Variants in ERG observed in about 807,000 individuals in gnomAD.
ERG encodes ETS transcription factor ERG.
ERG carries 9 observed loss-of-function variants against 55.3 expected under a neutral mutation model. The observed-to-expected ratio is 0.16, with a 90% CI of 0.10 to 0.28. The LOEUF is 0.28. Among genes scored for constraint, ERG ranks in the 10% least tolerant of loss-of-function variants. The pLI is 1.00. For synonymous variants in ERG, 223 were observed against 237.3 expected, an observed-to-expected ratio of 0.94 and a Z score of 0.55; for missense variants, 434 against 631.6, an observed-to-expected ratio of 0.69 and a Z score of 3.35.
chr21:38,450,352 G>A (rs994402772), intron 1 of ERG, among the ~76,000 whole-genome samples: 3 of 151,942 alleles, frequency 2.0e-5, no homozygotes, highest in South Asian at 4.2e-4. Flanking sequence ...CACTCCAGCC[G>A]AGGTGACAGA....
intron 2 of ERG, among the ~76,000 whole-genome samples, chr21:38,537,824 G>T (rs2059722920): frequency 6.6e-6 from 1 of 152,118 alleles, no homozygotes; most frequent in Non-Finnish European, 1.5e-5. Context: ...AAGATAGCAG[G>T]AAATTGAACT....
chr21:38,599,698 C>T (rs187537408), intron 1 of ERG, among the ~76,000 whole-genome samples: 5 of 152,160 alleles, frequency 3.3e-5, no homozygotes, highest in African/African-American at 1.2e-4. Flanking sequence ...TTTAAAAATT[C>T]AACTTCCCTG....
At chr21:38,450,802 A>G in intron 1 of ERG, 1 of 425,164 alleles carries the variant, frequency 2.4e-6, no homozygotes, top group East Asian at 7.1e-5. Context: ...TTCTTCTCTG[A>G]TGGCAGATAA....
chr21:38,447,297 T>A (rs1335374070), intron 1 of ERG, among the ~76,000 whole-genome samples: 2 of 151,466 alleles, frequency 1.3e-5, no homozygotes, highest in Non-Finnish European at 2.9e-5. Flanking sequence ...AAAGCCCCCA[T>A]CCTGGACTCC....
chr21:38,565,704 G>A (rs564781915), intron 2 of ERG, among the ~76,000 whole-genome samples: 15 of 152,182 alleles, frequency 9.9e-5, no homozygotes, highest in African/African-American at 2.4e-4. Flanking sequence ...CTAACCTTTC[G>A]TGTAAAATTC....
chr21:38,385,638 A>T (rs376996499), intron 9 of ERG, among the ~76,000 whole-genome samples: 4 of 152,342 alleles, frequency 2.6e-5, no homozygotes, highest in East Asian at 1.9e-4. Context: ...CTAGCAACAC[A>T]TTTGAAATGT....
rs554111006 is a variant in ERG, at chr21:38,578,166, C to G, written c.-126-2419G>C. ...AGATGACCACGGCCCCTGCCGACATCAGGGAGGCAGCTTCCAGCTGAGTCC... is the reference window on the plus strand; with the variant it reads ...AGATGACCACGGCCCCTGCCGACATGAGGGAGGCAGCTTCCAGCTGAGTCC... On this transcript the variant is annotated intron_variant, in intron 1 of 8. Coordinates refer to the ERG transcript ENST00000398897. 2.6e-5 allele frequency among the ~76,000 whole-genome samples: 4 copies of G among 152,344 alleles called. No individual in the cohort carries two copies. In the South Asian group the frequency reaches 8.3e-4, roughly 32 times the overall value.
intron 8 of ERG, among the ~76,000 whole-genome samples, chr21:38,391,316 A>G (rs1404253156): frequency 6.6e-6 from 1 of 152,180 alleles, no homozygotes; most frequent in Non-Finnish European, 1.5e-5. Flanking sequence ...CAATGATATA[A>G]AGAGGGCAAA....
At chr21:38,449,257 T>G (rs1300318949) in intron 1 of ERG, among the ~76,000 whole-genome samples, 2 of 152,158 alleles carry the variant, frequency 1.3e-5, no homozygotes, top group Non-Finnish European at 2.9e-5. Context: ...ATGTGTGGGG[T>G]GTTTTTTTCT....
intron 1 of ERG, among the ~76,000 whole-genome samples, chr21:38,645,976 T>C (rs544820146): frequency 6.6e-6 from 1 of 152,240 alleles, no homozygotes; most frequent in East Asian, 1.9e-4. Context: ...GATGCAACCA[T>C]TCTCTTAGAA....
chr21:38,574,230 C>T (rs1196869476), intron 2 of ERG, among the ~76,000 whole-genome samples: 1 of 152,178 alleles, frequency 6.6e-6, no homozygotes, highest in Non-Finnish European at 1.5e-5. Context: ...AGTCTTTCTC[C>T]CACTTTACTT....
chr21:38,488,643 A>G (rs1175047838), intron 1 of ERG, among the ~76,000 whole-genome samples: 2 of 152,198 alleles, frequency 1.3e-5, no homozygotes, highest in East Asian at 3.9e-4. Context: ...TTTGTACCCA[A>G]ATCTGGTAAT....
At chr21:38,567,505 A>G (rs1415001981) in intron 2 of ERG, among the ~76,000 whole-genome samples, 3 of 152,202 alleles carry the variant, frequency 2.0e-5, no homozygotes, top group Admixed American at 2.0e-4. Context: ...CTGGAAACTG[A>G]TCAAAGCTGA....
intron 1 of ERG, chr21:38,471,987 TC>T (rs1300484765): frequency 6.6e-6 from 1 of 152,148 alleles, no homozygotes; most frequent in African/African-American, 2.4e-5. Context: ...AGCTTCCCCC[TC>T]CCCTGTTGAT....
chr21:38,653,402 C>G (rs537571009), intron 1 of ERG, among the ~76,000 whole-genome samples: 4 of 152,280 alleles, frequency 2.6e-5, no homozygotes, highest in African/African-American at 9.6e-5. Context: ...CACCTTGAGT[C>G]AAATCTGACT....
At chr21:38,517,687 C>T (rs2059562218) in intron 2 of ERG, among the ~76,000 whole-genome samples, 1 of 152,046 alleles carries the variant, frequency 6.6e-6, no homozygotes, top group African/African-American at 2.4e-5. Context: ...TTTACCATAG[C>T]AAAGACATGA....
chr21:38,380,649 C>A lies in ERG; in HGVS notation c.*2754G>T, dbSNP rs560781746. ...TTACAACAGTAACAGAGAGTTAATG[C>A]CATTTTGAAACAATTTAAGAATTAT... is the stretch of plus-strand genomic sequence containing the variant. On this transcript the variant is annotated 3_prime_UTR_variant, in exon 10 of 10. Transcript: ENST00000288319. 13 of 1,064,622 alleles carry A rather than the reference C, an allele frequency of 1.2e-5. No homozygotes were observed. The highest frequency in any genetic ancestry group is 1.5e-5 in the Non-Finnish European group (13 of 879,016). 65.9% of individuals were successfully genotyped at this position (1,064,622 alleles called of 1,614,324 possible). A position where few individuals can be genotyped will look rare whatever the true frequency, so the allele number is the denominator to read the frequency against.
intron 2 of ERG, among the ~76,000 whole-genome samples, chr21:38,503,546 TC>T (rs1601149852): frequency 1.5e-5 from 1 of 67,470 alleles, no homozygotes; most frequent in Non-Finnish European, 4.1e-5. Flanking sequence ...GTCTCGGCAT[TC>T]GGGAAGCCTA....
chr21:38,626,295 A>G (rs1173875347), intron 1 of ERG, among the ~76,000 whole-genome samples: 1 of 152,242 alleles, frequency 6.6e-6, no homozygotes, highest in African/African-American at 2.4e-5. Flanking sequence ...CCTGCAAACC[A>G]TGATACAGTC....
Sources: gnomAD v4.1 joint callset for allele counts (sites outside exome capture counted in the v4.1 genomes callset) on GRCh38, gnomAD v4.1.1 for gene constraint, MANE v1.5 for transcripts, NCBI Gene and HGNC (gene_info 2026-07-23, HGNC 2026-07-21) for gene names.